The following EDA variants were observed in gnomAD, a reference collection of about 807,000 sequenced individuals.
EDA encodes the protein ectodysplasin-A.
EDA carries 2 observed loss-of-function variants against 23.6 expected under a neutral mutation model. The observed-to-expected ratio is 0.08, with a 90% CI of 0.03 to 0.27. The LOEUF (loss-of-function observed/expected upper bound fraction) is 0.27. EDA is among the 10% of genes least tolerant of loss of function. The pLI, the probability that EDA is intolerant of heterozygous loss-of-function variation, is 1.00. For synonymous variants in EDA, 131 were observed against 132.0 expected, an observed-to-expected ratio of 0.99 and a Z score of 0.05; for missense variants, 229 against 324.2, an observed-to-expected ratio of 0.71 and a Z score of 2.26.
At chrX:69,698,037 C>T (rs1317934036) in intron 1 of EDA, among the ~76,000 whole-genome samples, 3 of 111,206 alleles carry the variant, frequency 2.7e-5, no homozygotes, top group African/African-American at 9.8e-5. Context: ...CTGTCTGTGG[C>T]CTAATTATTC....
At chrX:69,908,803 C>T (rs190332431) in intron 1 of EDA, among the ~76,000 whole-genome samples, 15 of 109,845 alleles carry the variant, frequency 1.4e-4, no homozygotes, top group African/African-American at 4.9e-4. Context: ...AAGATTTTGG[C>T]TTAGTTTAGG....
chrX:69,844,121 G>C (rs1486317710), intron 1 of EDA, among the ~76,000 whole-genome samples: 3 of 110,254 alleles, frequency 2.7e-5, no homozygotes, highest in Admixed American at 9.6e-5. Flanking sequence ...AAAATATAAT[G>C]AGAAAGAAAT....
At chrX:69,906,359 C>T (rs2018176862) in intron 1 of EDA, among the ~76,000 whole-genome samples, 1 of 112,197 alleles carries the variant, frequency 8.9e-6, no homozygotes, top group African/African-American at 3.2e-5. Context: ...AAGGGCTACC[C>T]CAAATCATAA....
At chrX:69,834,909 G>C (rs988264344) in intron 1 of EDA, among the ~76,000 whole-genome samples, 1 of 111,350 alleles carries the variant, frequency 9.0e-6, no homozygotes, top group Non-Finnish European at 1.9e-5. Context: ...GGCAGGCCTG[G>C]TGGTGACAAA....
chrX:69,924,824 TG>T (rs2018488388), intron 1 of EDA, among the ~76,000 whole-genome samples: 1 of 111,859 alleles, frequency 8.9e-6, no homozygotes, highest in South Asian at 3.7e-4. Flanking sequence ...CTTATTTCCT[TG>T]AACAGTGGTT....
intron 1 of EDA, among the ~76,000 whole-genome samples, chrX:69,644,246 T>G (rs1363516768): frequency 9.0e-6 from 1 of 111,514 alleles, no homozygotes; most frequent in Non-Finnish European, 1.9e-5. Flanking sequence ...GAGCATGGAA[T>G]GTTTCTCCAT....
At chrX:69,872,230 C>CA (rs753695423) in intron 1 of EDA, among the ~76,000 whole-genome samples, 1 of 111,875 alleles carries the variant, frequency 8.9e-6, no homozygotes, top group South Asian at 3.7e-4. Flanking sequence ...GCTGGCACTA[C>CA]AAGAACTGCT....
chrX:69,619,795 C>T (rs1219524296), intron 1 of EDA, among the ~76,000 whole-genome samples: 2 of 111,777 alleles, frequency 1.8e-5, no homozygotes, highest in Admixed American at 1.9e-4. Flanking sequence ...GGAGATGTTG[C>T]GCCGGTTGTG....
intron 1 of EDA, among the ~76,000 whole-genome samples, chrX:69,666,982 G>T (rs192990455): frequency 8.8e-4 from 98 of 110,986 alleles, no homozygotes; most frequent in Non-Finnish European, 1.6e-3. Flanking sequence ...TTATTAGTCT[G>T]TTCAAGCTTT....
chrX:69,810,484 C>T (rs1201210083), intron 1 of EDA, among the ~76,000 whole-genome samples: 1 of 105,652 alleles, frequency 9.5e-6, no homozygotes, highest in African/African-American at 3.4e-5. Context: ...TGGCTGGGCA[C>T]GGTGGCTCAC....
intron 1 of EDA, among the ~76,000 whole-genome samples, chrX:69,781,960 G>T (rs189327145): frequency 1.8e-5 from 2 of 109,886 alleles, no homozygotes; most frequent in Admixed American, 2.0e-4. Context: ...CACGGGGAGG[G>T]GAAAATTAAG....
Position 69,781,250 on chromosome X carries a change from C to G in EDA, c.396+164546C>G, listed in dbSNP as rs1051419094. 2.7e-5 allele frequency among the ~76,000 whole-genome samples: 3 copies of G among 111,328 alleles called. No individual in the cohort carries two copies. In the Admixed American group the frequency reaches 2.9e-4, roughly 11 times the overall value. ...ATGTATGTATTCATTTCTCTTGTAA[C>G]AAATTCTACCTAGGAGTAGAATTAC... On this transcript the variant is annotated intron_variant, in intron 1 of 7. Coordinates refer to ENST00000374552, the MANE Select transcript of EDA (RefSeq NM_001399.5).
chrX:69,786,393 T>G (rs1410995049), intron 1 of EDA, among the ~76,000 whole-genome samples: 3 of 105,238 alleles, frequency 2.9e-5, no homozygotes, highest in African/African-American at 1.0e-4. Context: ...AGGGTGTCAA[T>G]TTTGGATCTT....
intron 1 of EDA, among the ~76,000 whole-genome samples, chrX:69,849,234 T>C: frequency 9.0e-6 from 1 of 111,014 alleles, no homozygotes; most frequent in Non-Finnish European, 1.9e-5. Context: ...CTGTGAACAA[T>C]GATGATGTAA....
chrX:69,965,267 T>C (rs2019157980), intron 2 of EDA, among the ~76,000 whole-genome samples: 1 of 111,835 alleles, frequency 8.9e-6, no homozygotes, highest in Non-Finnish European at 1.9e-5. Flanking sequence ...GCATGGCTCA[T>C]TTAAGGAACT....
intron 1 of EDA, among the ~76,000 whole-genome samples, chrX:69,835,500 A>C (rs1308472600): frequency 9.0e-6 from 1 of 111,728 alleles, no homozygotes; most frequent in African/African-American, 3.3e-5. Context: ...CCACTTGATC[A>C]AATCAGCTAT....
In EDA at chrX:69,741,589, A is replaced by T. The variant is rs982537451; in HGVS notation, c.396+124885A>T. On this transcript the variant is annotated intron_variant, in intron 1 of 7. Transcript: ENST00000374552. ...CATACATAGTCAGCTATTAGCCAAC[A>T]TTAGTTGCCAACTGGTTGTTCTATT... Among the ~76,000 whole-genome samples, 20 of 112,017 alleles carry T rather than the reference A, an allele frequency of 1.8e-4. 1 individual carries two copies. Among genetic ancestry groups the T allele is most frequent in the African/African-American group, 6.2e-4 (19 of 30,819 alleles).
At chrX:69,748,619 C>T (rs1057376593) in intron 1 of EDA, among the ~76,000 whole-genome samples, 1 of 111,574 alleles carries the variant, frequency 9.0e-6, no homozygotes, top group African/African-American at 3.3e-5. Flanking sequence ...TGTGACTTGT[C>T]TCCTTTAGGA....
At chrX:69,620,843 G>C in intron 1 of EDA, 1 of 375,671 alleles carries the variant, frequency 2.7e-6, no homozygotes, top group East Asian at 7.8e-5. Flanking sequence ...ATATTATTTT[G>C]GGACTTTGGA....
Sources: gnomAD v4.1 joint callset for allele counts (sites outside exome capture counted in the v4.1 genomes callset) on GRCh38, gnomAD v4.1.1 for gene constraint, MANE v1.5 for transcripts, NCBI Gene and HGNC (gene_info 2026-07-23, HGNC 2026-07-21) for gene names.